ZKSCAN7: variants seen among roughly 807,000 people sequenced by gnomAD.
ZKSCAN7 encodes the protein zinc finger protein with KRAB and SCAN domains 7.
A neutral mutation model predicts 65.3 loss-of-function variants in ZKSCAN7; 38 were observed. That is an observed-to-expected ratio of 0.58 (90% CI 0.45 to 0.76). The LOEUF (loss-of-function observed/expected upper bound fraction) is 0.76. Ranked by LOEUF, ZKSCAN7 falls within the 30% of genes least tolerant of loss-of-function variation. The probability of loss-of-function intolerance (pLI) is 0.00; values close to 1 mark genes in which losing one functional copy is unlikely to be tolerated. For synonymous variants in ZKSCAN7, 321 were observed against 321.0 expected, an observed-to-expected ratio of 1.00 and a Z score of 0.00; for missense variants, 815 against 913.3, an observed-to-expected ratio of 0.89 and a Z score of 1.39.
At chr3:44,566,653 AG>A (rs1699639776) in intron 3 of ZKSCAN7, among the ~76,000 whole-genome samples, 1 of 152,030 alleles carries the variant, frequency 6.6e-6, no homozygotes, top group Admixed American at 6.6e-5. Flanking sequence ...TTTTTTTTAA[AG>A]AGAGATAGGG....
intron 5 of ZKSCAN7, among the ~76,000 whole-genome samples, chr3:44,577,379 T>A (rs897717329): frequency 6.6e-6 from 1 of 152,020 alleles, no homozygotes; most frequent in Non-Finnish European, 1.5e-5. Context: ...CTAAGCTGCA[T>A]CAGTGGAACA....
Position 44,582,571 on chromosome 3 carries a change from C to CA in ZKSCAN7, c.812-394dup, listed in dbSNP as rs200607981. Among the ~76,000 whole-genome samples the CA allele has an allele frequency of 6.0e-3, 910 of 152,056 alleles. 38 individuals carry two copies. Among genetic ancestry groups the CA allele is most frequent in the Admixed American group, 0.056 (850 of 15,282 alleles). On this transcript the variant is annotated intron_variant, in intron 5 of 5. Coordinates refer to the ZKSCAN7 transcript ENST00000341840. Reference sequence around the variant, plus strand: ...TGAGTATTTAGGCAATTATGACACACAAAAAAACACCCTGATTTCTGAGCA... The same window carrying CA: ...TGAGTATTTAGGCAATTATGACACACAAAAAAAACACCCTGATTTCTGAGCA...
Position 44,571,182 on chromosome 3 carries a change from A to G in ZKSCAN7, c.2072A>G (p.Tyr691Cys). 1.9e-6 allele frequency: 3 copies of G among 1,614,214 alleles called. No homozygotes were observed. The highest frequency in any genetic ancestry group is 2.2e-5 in the South Asian group (2 of 91,078). ...AGAACCCATACTGGGGAAAAACCCT[A>G]TAAATGCAATGATTGTGGGAAAGCT... ...HQRTHTGEKP[Y>C]KCNDCGKAFS... Residue 691 changes from tyrosine to cysteine, a missense_variant, in exon 6 of 6, where the codon TAT (tyrosine) becomes TGT (cysteine). By Grantham distance (194) the Tyr-to-Cys change is radical. Around this residue, in one of 3 missense-constraint regions of ZKSCAN7, gnomAD observed 578 missense variants for 629.5 expected, o/e 0.92. Transcript: ENST00000426540.
chr3:44,576,554 A>G (rs1699927539), downstream of ZKSCAN7, among the ~76,000 whole-genome samples: 2 of 152,092 alleles, frequency 1.3e-5, no homozygotes, highest in Admixed American at 1.3e-4. Flanking sequence ...TAAGTTGCCA[A>G]GGCTTTGCAT....
Position 44,570,027 on chromosome 3 carries a change from C to T in ZKSCAN7, c.917C>T (p.Pro306Leu), listed in dbSNP as rs902118962. The T allele has an allele frequency of 6.2e-7, 1 of 1,613,558 alleles. No individual in the cohort carries two copies. Among genetic ancestry groups the T allele is most frequent in the African/African-American group, 1.3e-5 (1 of 74,944 alleles). Reference sequence around the variant, plus strand: ...TCAGGGGGACTCTTTGGGGTGGTTCCTGGGGCAGCAGAGACTGGAGATGTT... The same window carrying T: ...TCAGGGGGACTCTTTGGGGTGGTTCTTGGGGCAGCAGAGACTGGAGATGTT... ...RTSGGLFGVV[P>L]GAAETGDVCE... The change falls in exon 6 of 6, where the codon CCT becomes CTT. Residue 306 changes from proline (P) to leucine (L), a missense_variant. Pro to Leu is a moderately conservative substitution (Grantham distance 98). Transcript: ENST00000426540.
At chr3:44,567,636 C>A (rs1215920351) in intron 3 of ZKSCAN7, among the ~76,000 whole-genome samples, 1 of 152,038 alleles carries the variant, frequency 6.6e-6, no homozygotes, top group African/African-American at 2.4e-5. Context: ...GCTAGGGAAA[C>A]CATGGGAGAG....
chr3:44,580,831 A>C (rs906204988), intron 5 of ZKSCAN7: 1 of 1,613,302 alleles, frequency 6.2e-7, no homozygotes, highest in East Asian at 2.2e-5. Context: ...CATTTCGGAG[A>C]CCGGTGCACT....
At chr3:44,583,314 G>A (rs1700135574) in exon 6 of ZKSCAN7, 1 of 160,262 alleles carries the variant, frequency 6.2e-6, no homozygotes, top group Non-Finnish European at 1.4e-5. Flanking sequence ...CATCAACTGA[G>A]GGTGTGAACT....
chr3:44,581,227 C>T (rs1017124466), intron 5 of ZKSCAN7, among the ~76,000 whole-genome samples: 70 of 147,632 alleles, frequency 4.7e-4, no homozygotes, highest in Middle Eastern at 3.4e-3. Flanking sequence ...GCCCAGCTCC[C>T]GCCCGCACCG....
At chr3:44,572,346 T>TTGTGTGTGTG (rs3080634), downstream of ZKSCAN7, among the ~76,000 whole-genome samples, 12 of 143,758 alleles carry the variant, frequency 8.3e-5, no homozygotes, top group East Asian at 4.2e-4. Flanking sequence ...CGAATGGATT[T>TTGTGTGTGTG]TGTGTGTGTG....
At chr3:44,577,976 GCCTT>G (rs1373184447) in intron 5 of ZKSCAN7, among the ~76,000 whole-genome samples, 1 of 152,190 alleles carries the variant, frequency 6.6e-6, no homozygotes, top group African/African-American at 2.4e-5. Flanking sequence ...GCACCGTCAG[GCCTT>G]CCTTCAGACT....
rs568369908 is a variant in ZKSCAN7, at chr3:44,579,235, G to A, written c.812-3737G>A. On this transcript the variant is annotated intron_variant, in intron 5 of 5. Transcript: ENST00000341840. ...CCTCAGTGCCTGGCCCGCCTGTGGC[G>A]TCCAGCATCCCGAAGTGCTTGCGGC... Among the ~76,000 whole-genome samples the A allele has an allele frequency of 4.6e-5, 7 of 152,312 alleles. No individual in the cohort carries two copies. The South Asian group carries it at 6.2e-4, about 14-fold the overall frequency.
intron 3 of ZKSCAN7, among the ~76,000 whole-genome samples, chr3:44,567,449 G>T (rs1470897181): frequency 3.9e-5 from 6 of 152,198 alleles, no homozygotes. Flanking sequence ...TGTGGTAGGG[G>T]TCTAGGAGAG....
chr3:44,559,779 T>C (rs1699411834), intron 2 of ZKSCAN7, among the ~76,000 whole-genome samples: 1 of 152,266 alleles, frequency 6.6e-6, no homozygotes, highest in South Asian at 2.1e-4. Flanking sequence ...TCAGTTCTAG[T>C]TGATCAGGAT....
At position 44,565,604 on chromosome 3, in the gene ZKSCAN7, C is replaced by T; in HGVS notation, c.541C>T (p.Leu181=). ...TGGGGGCTCAGCCCCTGGAGCCCAC[C>T]TGGAGCCTCCTTATGACCCAGGGAC... is the stretch of plus-strand genomic sequence containing the variant. The part of the protein sequence containing the change: ...LSGGSAPGAH[L]EPPYDPGTHH... Residue 181 remains leucine, a synonymous_variant, in exon 3 of 6, where the codon CTG becomes TTG. Transcript: ENST00000426540. 6.2e-7 allele frequency: 1 copy of T among 1,612,360 alleles called. No individual in the cohort carries two copies. Among genetic ancestry groups the T allele is most frequent in the South Asian group, 1.1e-5 (1 of 90,460 alleles).
chr3:44,562,161 A>C (rs183060622), intron 2 of ZKSCAN7, among the ~76,000 whole-genome samples: 15 of 152,198 alleles, frequency 9.9e-5, no homozygotes, highest in Non-Finnish European at 2.2e-4. Context: ...CCAAACCTCA[A>C]CTCTTGCCTT....
intron 5 of ZKSCAN7, among the ~76,000 whole-genome samples, chr3:44,577,390 A>C (rs1699942745): frequency 6.6e-6 from 1 of 152,144 alleles, no homozygotes; most frequent in Admixed American, 6.5e-5. Flanking sequence ...CAGTGGAACA[A>C]ATACAAAATG....
chr3:44,566,134 A>G (rs1055644225), intron 3 of ZKSCAN7, among the ~76,000 whole-genome samples: 1 of 152,220 alleles, frequency 6.6e-6, no homozygotes, highest in African/African-American at 2.4e-5. Context: ...AGTATTGGGC[A>G]GTAAAAATGT....
Position 44,557,464 on chromosome 3 carries a change from A to G in ZKSCAN7, c.417A>G (p.Ser139=). 1 of 1,614,214 alleles carries G rather than the reference A, an allele frequency of 6.2e-7. No individual in the cohort carries two copies. The highest frequency in any genetic ancestry group is 2.2e-5 in the East Asian group (1 of 44,886). Residue 139 remains serine, a synonymous_variant, in exon 2 of 6, where the codon TCA becomes TCG. Transcript: ENST00000426540. ...VEDFQRHLSG[S]EEVSAPAQKQ... ...ATTTCCAGAGACACCTCAGTGGATC[A>G]GAGGAGGTGAGCAGTTGAGTCTAGA...
Sources: gnomAD v4.1 joint callset for allele counts (sites outside exome capture counted in the v4.1 genomes callset) on GRCh38, gnomAD v4.1.1 for gene constraint, gnomAD v4.1.1 regional missense constraint, MANE v1.5 for transcripts, NCBI Gene and HGNC (gene_info 2026-07-23, HGNC 2026-07-21) for gene names.